The following GRK5 variants were observed in gnomAD, a reference collection of about 807,000 sequenced individuals.
GRK5 encodes G protein-coupled receptor kinase 5.
A neutral mutation model predicts 78.4 loss-of-function variants in GRK5; 40 were observed. The observed-to-expected ratio is 0.51, with a 90% CI of 0.40 to 0.66. The LOEUF (loss-of-function observed/expected upper bound fraction) is 0.66, where lower values mean the gene tolerates loss of function less well. Among genes scored for constraint, GRK5 ranks in the 30% least tolerant of loss-of-function variants. The probability of loss-of-function intolerance (pLI) is 0.00; values close to 1 mark genes in which losing one functional copy is unlikely to be tolerated. For synonymous variants in GRK5, 289 were observed against 296.8 expected, an observed-to-expected ratio of 0.97 and a Z score of 0.27; for missense variants, 598 against 759.9, an observed-to-expected ratio of 0.79 and a Z score of 2.50.
intron 3 of GRK5, among the ~76,000 whole-genome samples, chr10:119,387,327 AT>A (rs2133838503): frequency 6.6e-6 from 1 of 152,054 alleles, no homozygotes; most frequent in East Asian, 1.9e-4. Context: ...TAATGTCCAC[AT>A]TTCTCAAGTC....
chr10:119,375,242 C>G (rs1851604366), intron 2 of GRK5, among the ~76,000 whole-genome samples: 1 of 152,206 alleles, frequency 6.6e-6, no homozygotes, highest in Non-Finnish European at 1.5e-5. Context: ...TGCAGGTCCT[C>G]CTGGCATCTC....
chr10:119,427,144 T>A (rs536105536), intron 6 of GRK5, among the ~76,000 whole-genome samples: 1 of 148,916 alleles, frequency 6.7e-6, no homozygotes, highest in South Asian at 2.2e-4. Context: ...TCAGCATCAC[T>A]GCTGTTATCA....
At chr10:119,346,560 C>T (rs997968424) in intron 2 of GRK5, among the ~76,000 whole-genome samples, 1 of 152,176 alleles carries the variant, frequency 6.6e-6, no homozygotes, top group Non-Finnish European at 1.5e-5. Flanking sequence ...TCCTGGAGCC[C>T]GTCAGTGCCG....
chr10:119,415,737 G>T (rs1013854048), intron 4 of GRK5, among the ~76,000 whole-genome samples: 8 of 152,170 alleles, frequency 5.3e-5, no homozygotes, highest in African/African-American at 1.9e-4. Context: ...GTCCTTCCTA[G>T]AGGGCTGGCT....
At chr10:119,411,082 C>T (rs997423127) in intron 4 of GRK5, among the ~76,000 whole-genome samples, 2 of 151,832 alleles carry the variant, frequency 1.3e-5, no homozygotes, top group African/African-American at 4.8e-5. Context: ...AGAAGCTTTC[C>T]GACTGGTCAC....
intron 10 of GRK5, 75 bp downstream of exon 10, chr10:119,439,843 C>G (rs1852997103): frequency 1.4e-6 from 2 of 1,452,486 alleles, no homozygotes; most frequent in Admixed American, 3.4e-5. Flanking sequence ...CAGGGATTCT[C>G]AGAGAGGGCT....
chr10:119,286,128 A>T (rs1366186713), intron 1 of GRK5, among the ~76,000 whole-genome samples: 1 of 148,896 alleles, frequency 6.7e-6, no homozygotes, highest in Non-Finnish European at 1.5e-5. Context: ...GTGTCATGTT[A>T]CTTTATCAGG....
intron 1 of GRK5, among the ~76,000 whole-genome samples, chr10:119,320,578 A>G (rs10886457): frequency 1 from 152,179 of 152,346 alleles, 76,006 homozygotes; most frequent in South Asian, 1. Context: ...AACCGAGCTC[A>G]GAGGAGACCT....
At chr10:119,214,760 A>G (rs539705691) in intron 1 of GRK5, among the ~76,000 whole-genome samples, 32 of 152,260 alleles carry the variant, frequency 2.1e-4, no homozygotes, top group African/African-American at 6.0e-4. Flanking sequence ...GGCTCAAGCA[A>G]TCCATCCACC....
In GRK5 at chr10:119,411,842, C is replaced by CTTTTTTTTTTTTTTTTTTTTT. The variant is rs10578557; in HGVS notation, c.340-11318_340-11298dup. On this transcript the variant is annotated intron_variant, in intron 4 of 15. Transcript: ENST00000392870. ...CCTCAGCTTCATTGCAGATCTGCTT[C>CTTTTTTTTTTTTTTTTTTTTT]TTTTTTTTTTTTTTTTTTTTTTTTT... Among the ~76,000 whole-genome samples the CTTTTTTTTTTTTTTTTTTTTT allele has an allele frequency of 4.4e-4, 42 of 95,976 alleles. 5 individuals carry two copies. The highest frequency in any genetic ancestry group is 1.1e-3 in the Admixed American group (8 of 7,186). 63.0% of individuals were successfully genotyped at this position (95,976 alleles called of 152,430 possible). A position where few individuals can be genotyped will look rare whatever the true frequency, so the allele number is the denominator to read the frequency against.
intron 12 of GRK5, among the ~76,000 whole-genome samples, chr10:119,444,098 T>C (rs1202469686): frequency 6.6e-6 from 1 of 152,116 alleles, no homozygotes; most frequent in African/African-American, 2.4e-5. Context: ...CAAAGCAACC[T>C]TGGGCCAAGC....
intron 1 of GRK5, among the ~76,000 whole-genome samples, chr10:119,219,597 T>C (rs954639560): frequency 4.6e-5 from 7 of 152,138 alleles, no homozygotes; most frequent in Non-Finnish European, 1.0e-4. Context: ...CAATAGATGG[T>C]ACATTAGGAT....
intron 1 of GRK5, among the ~76,000 whole-genome samples, chr10:119,250,397 C>A (rs1849180244): frequency 6.6e-6 from 1 of 151,834 alleles, no homozygotes; most frequent in Non-Finnish European, 1.5e-5. Context: ...TTAACTTTTT[C>A]TTTTTCTTTT....
At chr10:119,441,377 G>A (rs879439156) in intron 10 of GRK5, among the ~76,000 whole-genome samples, 14 of 152,216 alleles carry the variant, frequency 9.2e-5, no homozygotes, top group African/African-American at 2.4e-4. Context: ...TTGTGGCCGC[G>A]ACCCTGCCCA....
chr10:119,323,387 G>A (rs1276980447), intron 1 of GRK5, among the ~76,000 whole-genome samples: 1 of 152,234 alleles, frequency 6.6e-6, no homozygotes, highest in Non-Finnish European at 1.5e-5. Flanking sequence ...GAGAGGAATG[G>A]GGAGCAGGGG....
At chr10:119,241,783 G>A (rs1242218450) in intron 1 of GRK5, among the ~76,000 whole-genome samples, 1 of 152,104 alleles carries the variant, frequency 6.6e-6, no homozygotes, top group Non-Finnish European at 1.5e-5. Flanking sequence ...CATTGGTTGG[G>A]GGTTACAAAT....
chr10:119,429,262 G>C (rs1008762231), intron 6 of GRK5, among the ~76,000 whole-genome samples: 1 of 152,118 alleles, frequency 6.6e-6, no homozygotes, highest in Admixed American at 6.6e-5. Context: ...GTGCGGCTGT[G>C]GTGCCACAGA....
intron 2 of GRK5, among the ~76,000 whole-genome samples, chr10:119,376,411 T>C (rs1027698194): frequency 6.6e-5 from 10 of 152,076 alleles, no homozygotes; most frequent in African/African-American, 2.4e-4. Flanking sequence ...ACCCTTAACA[T>C]CAAAGGAAAC....
chr10:119,357,072 G>A (rs1851273818), intron 2 of GRK5, among the ~76,000 whole-genome samples: 2 of 152,266 alleles, frequency 1.3e-5, no homozygotes, highest in South Asian at 2.1e-4. Flanking sequence ...TGTGAAGGTG[G>A]CTGGGGGCCA....
Sources: allele counts gnomAD v4.1 joint callset (sites outside exome capture counted in the v4.1 genomes callset), GRCh38; gene constraint gnomAD v4.1.1; transcripts MANE v1.5; gene names NCBI Gene and HGNC (gene_info 2026-07-23, HGNC 2026-07-21).